PEBP4: variants seen among roughly 807,000 people sequenced by gnomAD.
PEBP4 encodes phosphatidylethanolamine binding protein 4.
Under a neutral mutation model 23.9 loss-of-function variants are expected in PEBP4, and 22 were observed. That is an observed-to-expected ratio of 0.92 (90% CI 0.66 to 1.31). PEBP4 has a LOEUF of 1.31. PEBP4 is among the 40% of genes most tolerant of loss of function. The pLI is 0.00. For synonymous variants in PEBP4, 112 were observed against 99.3 expected (o/e 1.13, Z -0.76); for missense variants, 324 against 281.7 (o/e 1.15, Z -1.07).
intron 4 of PEBP4, among the ~76,000 whole-genome samples, chr8:22,796,203 T>C (rs1585277210): frequency 6.6e-6 from 1 of 152,260 alleles, no homozygotes; most frequent in Admixed American, 6.5e-5. Flanking sequence ...GGTACAAATA[T>C]CAGACTCTTG....
upstream of PEBP4, among the ~76,000 whole-genome samples, chr8:22,930,992 C>T (rs1809447120): frequency 1.3e-5 from 2 of 152,162 alleles, no homozygotes; most frequent in African/African-American, 2.4e-5. Context: ...ATTGGTCCCT[C>T]CAGCTACTGG....
intron 3 of PEBP4, among the ~76,000 whole-genome samples, chr8:22,835,794 C>T (rs148753988): frequency 6.6e-6 from 1 of 152,326 alleles, no homozygotes; most frequent in African/African-American, 2.4e-5. Flanking sequence ...TTAGAACAGG[C>T]CCTGTCCTGC....
At chr8:22,724,180 T>A (rs1045144193) in intron 6 of PEBP4, among the ~76,000 whole-genome samples, 11 of 152,184 alleles carry the variant, frequency 7.2e-5, no homozygotes, top group Admixed American at 3.9e-4. Context: ...TGGCTCACAC[T>A]GGGTCAGGTG....
At chr8:22,900,340 G>C (rs1808687158) in intron 3 of PEBP4, among the ~76,000 whole-genome samples, 1 of 152,080 alleles carries the variant, frequency 6.6e-6, no homozygotes, top group South Asian at 2.1e-4. Flanking sequence ...GATGCCCTTG[G>C]TGCCCATTAC....
intron 3 of PEBP4, among the ~76,000 whole-genome samples, chr8:22,868,504 G>A (rs1388070680): frequency 6.6e-6 from 1 of 152,062 alleles, no homozygotes; most frequent in Non-Finnish European, 1.5e-5. Flanking sequence ...ACAGAACTCA[G>A]CCCAATTTCA....
intron 4 of PEBP4, chr8:22,757,852 C>T (rs140748281): frequency 6.6e-6 from 1 of 152,224 alleles, no homozygotes. Flanking sequence ...AGTGGCTCCA[C>T]CTCCTACCCG....
chr8:22,731,604 C>T (rs911819585), intron 4 of PEBP4, among the ~76,000 whole-genome samples: 8 of 151,642 alleles, frequency 5.3e-5, no homozygotes, highest in South Asian at 2.1e-4. Context: ...GGCACCCATA[C>T]GCCCTCATTG....
chr8:22,889,814 G>C (rs2466182), intron 3 of PEBP4, among the ~76,000 whole-genome samples: 1 of 152,046 alleles, frequency 6.6e-6, no homozygotes, highest in Non-Finnish European at 1.5e-5. Flanking sequence ...CATGTAATAC[G>C]GTATTTCAGC....
intron 6 of PEBP4, among the ~76,000 whole-genome samples, chr8:22,715,924 C>A (rs1043955525): frequency 5.9e-5 from 9 of 152,174 alleles, no homozygotes; most frequent in Non-Finnish European, 1.3e-4. Flanking sequence ...CAGAGGAAAG[C>A]CCCTTCCTGT....
intron 4 of PEBP4, among the ~76,000 whole-genome samples, chr8:22,728,754 C>T (rs556478522): frequency 2.8e-4 from 42 of 152,142 alleles, no homozygotes; most frequent in Admixed American, 5.9e-4. Context: ...CCCACCACCA[C>T]GCCTGGCTAA....
At chr8:22,774,749 G>A (rs1052678603) in intron 4 of PEBP4, among the ~76,000 whole-genome samples, 4 of 152,180 alleles carry the variant, frequency 2.6e-5, no homozygotes, top group Admixed American at 2.0e-4. Context: ...ATAGGCTGCT[G>A]AGTCCTGGCC....
chr8:22,726,835 T>C (rs1223665994), intron 5 of PEBP4, among the ~76,000 whole-genome samples: 1 of 93,026 alleles, frequency 1.1e-5, no homozygotes. Context: ...GGCATCCTCC[T>C]GGGGCAGGGA....
chr8:22,783,797 T>C (rs1805974073), intron 4 of PEBP4, among the ~76,000 whole-genome samples: 1 of 152,230 alleles, frequency 6.6e-6, no homozygotes, highest in South Asian at 2.1e-4. Context: ...CATGCCCAGC[T>C]AATGTTTTGT....
chr8:22,735,289 G>T (rs1015129586), intron 4 of PEBP4, among the ~76,000 whole-genome samples: 3 of 152,122 alleles, frequency 2.0e-5, no homozygotes, highest in African/African-American at 7.2e-5. Flanking sequence ...AACTGCTTGG[G>T]GGTAGTGATC....
chr8:22,841,035 T>C (rs1807317988), intron 3 of PEBP4, among the ~76,000 whole-genome samples: 1 of 152,246 alleles, frequency 6.6e-6, no homozygotes, highest in Admixed American at 6.5e-5. Context: ...AGTCAAGCCC[T>C]TTTCAACTAC....
chr8:22,891,376 C>T (rs1442233431), intron 3 of PEBP4, among the ~76,000 whole-genome samples: 1 of 152,188 alleles, frequency 6.6e-6, no homozygotes, highest in Non-Finnish European at 1.5e-5. Flanking sequence ...TCCTACCTCA[C>T]CTGCTGTCTC....
chr8:22,920,329 G>A lies in PEBP4; in HGVS notation c.132-19C>T. 6.2e-7 allele frequency: 1 copy of A among 1,602,354 alleles called. No homozygotes were observed. Among genetic ancestry groups the A allele is most frequent in the Non-Finnish European group, 8.5e-7 (1 of 1,170,442 alleles). On this transcript the variant is annotated intron_variant, in intron 2 of 6. Coordinates refer to ENST00000256404, the MANE Select transcript of PEBP4 (RefSeq NM_144962.3). ...AAGGCCCCTATGAAGAGAGAGGGGAGGTTGCCCTGTGTCAGGGTTTTAAGG... is the reference window on the plus strand; with the variant it reads ...AAGGCCCCTATGAAGAGAGAGGGGAAGTTGCCCTGTGTCAGGGTTTTAAGG...
At chr8:22,814,561 A>G (rs545241846) in intron 4 of PEBP4, among the ~76,000 whole-genome samples, 6 of 152,250 alleles carry the variant, frequency 3.9e-5, no homozygotes, top group African/African-American at 1.4e-4. Flanking sequence ...AATTGTCCCT[A>G]CTGAAGGGTT....
At chr8:22,719,318 G>T (rs1804474994) in intron 6 of PEBP4, among the ~76,000 whole-genome samples, 1 of 152,192 alleles carries the variant, frequency 6.6e-6, no homozygotes, top group Non-Finnish European at 1.5e-5. Flanking sequence ...AGCAAGCTGT[G>T]GCATGTCCTC....
Sources: allele counts gnomAD v4.1 joint callset (sites outside exome capture counted in the v4.1 genomes callset), GRCh38; gene constraint gnomAD v4.1.1; transcripts MANE v1.5; gene names NCBI Gene and HGNC (gene_info 2026-07-23, HGNC 2026-07-21).